SDK1: variants seen among roughly 807,000 people sequenced by gnomAD.
The protein encoded by SDK1 is protein sidekick-1.
SDK1 carries 157 observed loss-of-function variants against 245.5 expected under a neutral mutation model. That is an observed-to-expected ratio of 0.64 (90% CI 0.56 to 0.73). SDK1 has a LOEUF of 0.73. Ranked by LOEUF, SDK1 falls within the 30% of genes least tolerant of loss-of-function variation. The pLI, the probability that SDK1 is intolerant of heterozygous loss-of-function variation, is 0.00. For missense variants in SDK1, 3,583 were observed against 3,002.3 expected, an observed-to-expected ratio of 1.19 and a Z score of -4.52; for synonymous variants, 1,647 against 1,278.5, an observed-to-expected ratio of 1.29 and a Z score of -6.15.
chr7:3,999,901 C>A (rs1283697667), intron 14 of SDK1, among the ~76,000 whole-genome samples: 5 of 152,094 alleles, frequency 3.3e-5, no homozygotes, highest in African/African-American at 1.2e-4. Flanking sequence ...CTGCGAGGGA[C>A]AGAGAGGGAC....
chr7:3,621,329 A>C (rs1266052774), intron 2 of SDK1, among the ~76,000 whole-genome samples: 1 of 152,186 alleles, frequency 6.6e-6, no homozygotes, highest in Admixed American at 6.5e-5. Flanking sequence ...AAGTTATCTA[A>C]TGTTGATCTT....
At chr7:3,842,784 C>A (rs1300572918) in intron 5 of SDK1, among the ~76,000 whole-genome samples, 2 of 152,068 alleles carry the variant, frequency 1.3e-5, no homozygotes, top group East Asian at 3.9e-4. Flanking sequence ...ATTCCGCTTC[C>A]TGATAATGCT....
At chr7:4,258,436 C>A (rs1787759297) in intron 44 of SDK1, among the ~76,000 whole-genome samples, 1 of 152,184 alleles carries the variant, frequency 6.6e-6, no homozygotes, top group African/African-American at 2.4e-5. Flanking sequence ...CATGCCCTCC[C>A]ACTGAAATTG....
chr7:4,055,502 A>C (rs940052390), intron 19 of SDK1, among the ~76,000 whole-genome samples: 1 of 150,988 alleles, frequency 6.6e-6, no homozygotes, highest in African/African-American at 2.4e-5. Flanking sequence ...GAGGTTCTTC[A>C]ATTTTATTGC....
chr7:3,871,601 T>C (rs1432206292), intron 5 of SDK1, among the ~76,000 whole-genome samples: 1 of 152,200 alleles, frequency 6.6e-6, no homozygotes, highest in East Asian at 1.9e-4. Flanking sequence ...GCTGCTTCCA[T>C]TCATTGTGGA....
intron 1 of SDK1, among the ~76,000 whole-genome samples, chr7:3,595,212 T>C (rs1428262104): frequency 6.7e-6 from 1 of 148,150 alleles, no homozygotes; most frequent in Non-Finnish European, 1.5e-5. Flanking sequence ...GCCATATTGG[T>C]GACTTTATGA....
intron 1 of SDK1, among the ~76,000 whole-genome samples, chr7:3,617,320 T>C (rs79367492): frequency 0.028 from 4,287 of 152,276 alleles, 216 homozygotes; most frequent in African/African-American, 0.098. Context: ...TAATGTACTG[T>C]AGAGTAACCT....
intron 1 of SDK1, among the ~76,000 whole-genome samples, chr7:3,460,157 T>C (rs1428890237): frequency 6.6e-6 from 1 of 152,240 alleles, no homozygotes; most frequent in Admixed American, 6.5e-5. Flanking sequence ...TAAACATTTA[T>C]CTTTTTGATG....
chr7:4,122,277 A>T (rs990201441), intron 25 of SDK1, among the ~76,000 whole-genome samples: 1 of 151,932 alleles, frequency 6.6e-6, no homozygotes, highest in African/African-American at 2.4e-5. Context: ...TCTGAAACTT[A>T]CTCTCCCCAG....
At chr7:4,012,058 C>T (rs780794544) in intron 15 of SDK1, 37 bp from the exon 16 acceptor site, 8 of 1,398,974 alleles carry the variant, frequency 5.7e-6, no homozygotes, top group Non-Finnish European at 7.5e-6. Context: ...GTTTCTGGTA[C>T]TCATCTCTCT....
chr7:4,177,119 A>C (rs899913575), intron 34 of SDK1, among the ~76,000 whole-genome samples: 8 of 152,214 alleles, frequency 5.3e-5, no homozygotes, highest in Non-Finnish European at 1.2e-4. Flanking sequence ...CAGCTCCAAC[A>C]TGTTGAGATA....
rs78907295 is a variant in SDK1 at position 3,722,754 on chromosome 7, C to T, written c.713+80649C>T. 3.2e-3 allele frequency among the ~76,000 whole-genome samples: 488 copies of T among 152,292 alleles called. 3 individuals carry two copies. The highest frequency in any genetic ancestry group is 9.9e-3 in the African/African-American group (410 of 41,556). Reference sequence around the variant, plus strand: ...GAATCCTCAGATCCGGGGACTCGCGCGGGTGGCTCAGCACCGCCCTCTGTC... The same window carrying T: ...GAATCCTCAGATCCGGGGACTCGCGTGGGTGGCTCAGCACCGCCCTCTGTC... On this transcript the variant is annotated intron_variant, in intron 4 of 44. Coordinates refer to ENST00000404826, the MANE Select transcript of SDK1 (RefSeq NM_152744.4).
chr7:3,824,346 A>G (rs1033938476), intron 5 of SDK1, among the ~76,000 whole-genome samples: 3 of 152,226 alleles, frequency 2.0e-5, no homozygotes, highest in Admixed American at 6.5e-5. Flanking sequence ...ATCAAAAGAT[A>G]TTACAGCCAA....
chr7:3,374,989 C>T (rs954661712), intron 1 of SDK1, among the ~76,000 whole-genome samples: 1 of 152,088 alleles, frequency 6.6e-6, no homozygotes, highest in Non-Finnish European at 1.5e-5. Context: ...ATTGTATGTG[C>T]CACATAGTAG....
At chr7:3,871,426 T>C (rs547324331) in intron 5 of SDK1, among the ~76,000 whole-genome samples, 1 of 143,850 alleles carries the variant, frequency 7.0e-6, no homozygotes, top group South Asian at 2.3e-4. Flanking sequence ...TAGGACTGAA[T>C]AGACTGTAGT....
chr7:3,794,328 T>C (rs1778909753), intron 4 of SDK1, among the ~76,000 whole-genome samples: 2 of 152,190 alleles, frequency 1.3e-5, no homozygotes, highest in East Asian at 1.9e-4. Flanking sequence ...TCTTTTTAAA[T>C]TTTTATAACG....
chr7:3,307,374 T>C lies in SDK1; in HGVS notation c.298+5490T>C, dbSNP rs1398609381. 3.3e-5 allele frequency among the ~76,000 whole-genome samples: 5 copies of C among 152,126 alleles called. No homozygotes were observed. The East Asian group carries it at 9.6e-4, about 29-fold the overall frequency. On this transcript the variant is annotated intron_variant, in intron 1 of 44. Coordinates refer to ENST00000404826, the MANE Select transcript of SDK1 (RefSeq NM_152744.4). ...AAGAAGCTATAGGTTCTTCAGTGAA[T>C]CCCTGAAATGCAAAAGTCTGTCACA...
At chr7:3,826,391 C>A (rs1011741566) in intron 5 of SDK1, among the ~76,000 whole-genome samples, 1 of 152,172 alleles carries the variant, frequency 6.6e-6, no homozygotes, top group African/African-American at 2.4e-5. Context: ...TTGATACAAT[C>A]TAGTTTTTTG....
chr7:3,344,245 ATGG>A (rs755045610), intron 1 of SDK1, among the ~76,000 whole-genome samples: 6 of 152,340 alleles, frequency 3.9e-5, no homozygotes, highest in Non-Finnish European at 8.8e-5. Context: ...TGTTTTAAAA[ATGG>A]TGGTAAAATA....
Sources: gnomAD v4.1 joint callset for allele counts (sites outside exome capture counted in the v4.1 genomes callset) on GRCh38, gnomAD v4.1.1 for gene constraint, MANE v1.5 for transcripts, NCBI Gene and HGNC (gene_info 2026-07-23, HGNC 2026-07-21) for gene names.